SSBP2: variants seen among roughly 807,000 people sequenced by gnomAD.
SSBP2 encodes the protein single-stranded DNA-binding protein 2.
In SSBP2, 17 loss-of-function variants were observed where a neutral mutation model predicts 61.8. The ratio of observed to expected loss-of-function variants is 0.28; its 90% confidence interval spans 0.19 to 0.41. The LOEUF is 0.41. Among genes scored for constraint, SSBP2 ranks in the 10% least tolerant of loss-of-function variants. The pLI, the probability that SSBP2 is intolerant of heterozygous loss-of-function variation, is 1.00. For missense variants in SSBP2, 310 were observed against 458.7 expected, an observed-to-expected ratio of 0.68 and a Z score of 2.96; for synonymous variants, 139 against 141.3, an observed-to-expected ratio of 0.98 and a Z score of 0.12.
chr5:81,622,560 A>C (rs1746703994), intron 3 of SSBP2, among the ~76,000 whole-genome samples: 1 of 152,162 alleles, frequency 6.6e-6, no homozygotes, highest in South Asian at 2.1e-4. Flanking sequence ...GAGAAGATAA[A>C]ATTTATACCA....
intron 1 of SSBP2, among the ~76,000 whole-genome samples, chr5:81,681,246 G>A (rs756290895): frequency 2.1e-4 from 32 of 149,114 alleles, no homozygotes; most frequent in Admixed American, 6.6e-4. Context: ...ATGGTCAGGC[G>A]CGGTGGCTCA....
intron 1 of SSBP2, among the ~76,000 whole-genome samples, chr5:81,727,809 G>C (rs769523366): frequency 8.5e-5 from 13 of 152,292 alleles, no homozygotes; most frequent in Non-Finnish European, 1.8e-4. Flanking sequence ...CATGGTCCCT[G>C]CACTCATGGA....
chr5:81,446,395 GCTGA>G (rs1318579372), intron 12 of SSBP2, among the ~76,000 whole-genome samples: 1 of 150,650 alleles, frequency 6.6e-6, no homozygotes, highest in East Asian at 1.9e-4. Context: ...GAATTTATAA[GCTGA>G]CTAATAAATA....
intron 5 of SSBP2, among the ~76,000 whole-genome samples, chr5:81,496,076 C>T (rs575075309): frequency 5.3e-5 from 8 of 152,220 alleles, no homozygotes; most frequent in Middle Eastern, 6.8e-3. Flanking sequence ...AGTTCTAAAA[C>T]GCACAATTAT....
intron 1 of SSBP2, among the ~76,000 whole-genome samples, chr5:81,665,849 A>G (rs1751078287): frequency 6.6e-6 from 1 of 152,162 alleles, no homozygotes; most frequent in Non-Finnish European, 1.5e-5. Context: ...TTATTCCTGT[A>G]TAATTCCAGT....
At chr5:81,533,603 C>A (rs1770583432) in intron 4 of SSBP2, among the ~76,000 whole-genome samples, 11 of 152,046 alleles carry the variant, frequency 7.2e-5, no homozygotes, top group Admixed American at 7.2e-4. Context: ...AAAAGCTGAA[C>A]AAACTGAGAA....
intron 10 of SSBP2, among the ~76,000 whole-genome samples, chr5:81,458,945 T>C (rs1181227990): frequency 1.3e-5 from 2 of 152,194 alleles, no homozygotes; most frequent in African/African-American, 2.4e-5. Flanking sequence ...GAGAGAATGA[T>C]AGGCCTCCTC....
intron 14 of SSBP2, among the ~76,000 whole-genome samples, chr5:81,438,040 G>A (rs1412646812): frequency 6.6e-6 from 1 of 152,024 alleles, no homozygotes; most frequent in Non-Finnish European, 1.5e-5. Context: ...CAATCAATAT[G>A]AATTTCTTTT....
chr5:81,551,173 T>A (rs1772161044), intron 4 of SSBP2, among the ~76,000 whole-genome samples: 1 of 151,922 alleles, frequency 6.6e-6, no homozygotes, highest in South Asian at 2.1e-4. Context: ...AATCAATTGC[T>A]TTTCACTATT....
At chr5:81,585,314 C>T (rs1244164216) in intron 4 of SSBP2, among the ~76,000 whole-genome samples, 2 of 152,000 alleles carry the variant, frequency 1.3e-5, no homozygotes, top group Non-Finnish European at 2.9e-5. Context: ...CTCCTGAAAG[C>T]GTTCCCAAGT....
chr5:81,468,702 C>A (rs1765052544), intron 8 of SSBP2, among the ~76,000 whole-genome samples: 1 of 151,952 alleles, frequency 6.6e-6, no homozygotes, highest in South Asian at 2.1e-4. Context: ...TCAAAGAGAG[C>A]AGGTCTGTTG....
At chr5:81,624,788 A>C (rs1236044097) in intron 3 of SSBP2, among the ~76,000 whole-genome samples, 1 of 152,176 alleles carries the variant, frequency 6.6e-6, no homozygotes, top group East Asian at 1.9e-4. Context: ...TTATTTAGAA[A>C]ATAATGAGGC....
At chr5:81,594,541 T>C (rs1446862619) in intron 4 of SSBP2, among the ~76,000 whole-genome samples, 4 of 152,150 alleles carry the variant, frequency 2.6e-5, no homozygotes, top group Non-Finnish European at 5.9e-5. Context: ...GAATATACAT[T>C]CTTTTCAGCA....
At chr5:81,627,962 G>A (rs1470463108) in intron 3 of SSBP2, among the ~76,000 whole-genome samples, 2 of 152,050 alleles carry the variant, frequency 1.3e-5, no homozygotes, top group African/African-American at 4.8e-5. Flanking sequence ...CTACTCAGGA[G>A]GCTTAGGTGG....
At chr5:81,474,998 T>C (rs1050440317) in intron 6 of SSBP2, among the ~76,000 whole-genome samples, 3 of 152,142 alleles carry the variant, frequency 2.0e-5, no homozygotes, top group Non-Finnish European at 4.4e-5. Flanking sequence ...CGAATGAAAA[T>C]TGTTTTGTAG....
intron 1 of SSBP2, among the ~76,000 whole-genome samples, chr5:81,717,966 C>T (rs1055240270): frequency 3.9e-5 from 6 of 152,072 alleles, no homozygotes; most frequent in African/African-American, 7.2e-5. Context: ...ATACAGCTGA[C>T]GCATGCTGGT....
At chr5:81,672,424 C>A (rs1354904345) in intron 1 of SSBP2, among the ~76,000 whole-genome samples, 3 of 152,046 alleles carry the variant, frequency 2.0e-5, no homozygotes, top group Non-Finnish European at 4.4e-5. Flanking sequence ...TATTCTGATT[C>A]TTCCATTATT....
chr5:81,544,342 T>C (rs146053116), intron 4 of SSBP2, among the ~76,000 whole-genome samples: 17 of 152,296 alleles, frequency 1.1e-4, no homozygotes, highest in South Asian at 2.1e-4. Context: ...CCACTGCGCC[T>C]GGCCCACCTT....
chr5:81,651,554 G>C (rs1010453810), intron 1 of SSBP2, among the ~76,000 whole-genome samples: 2 of 152,146 alleles, frequency 1.3e-5, no homozygotes, highest in South Asian at 4.1e-4. Flanking sequence ...TTGACAGTGA[G>C]GATGAATGTA....
Sources: allele counts gnomAD v4.1 joint callset (sites outside exome capture counted in the v4.1 genomes callset), GRCh38; gene constraint gnomAD v4.1.1; transcripts MANE v1.5; gene names NCBI Gene and HGNC (gene_info 2026-07-23, HGNC 2026-07-21).